The following CSMD1 variants were observed in gnomAD, a reference collection of about 807,000 sequenced individuals.
CSMD1 encodes the protein CUB and sushi domain-containing protein 1.
In CSMD1, 213 loss-of-function variants were observed where a neutral mutation model predicts 417.5. That is an observed-to-expected ratio of 0.51 (90% confidence interval 0.46 to 0.57). The LOEUF is 0.57. CSMD1 is among the 20% of genes least tolerant of loss of function. The pLI, the probability that CSMD1 is intolerant of heterozygous loss-of-function variation, is 0.00. For missense variants in CSMD1, 6,923 were observed against 4,529.7 expected, an observed-to-expected ratio of 1.53 and a Z score of -15.17; for synonymous variants, 2,862 against 1,736.8, an observed-to-expected ratio of 1.65 and a Z score of -16.11.
rs57214957 is a variant in CSMD1, at chr8:4,630,265, TACACACACAC to T, written c.302+7067_302+7076del. Among the ~76,000 whole-genome samples, 559 of 149,026 alleles carry T rather than the reference TACACACACAC, an allele frequency of 3.8e-3. 2 individuals carry two copies. Among genetic ancestry groups the T allele is most frequent in the African/African-American group, 5.6e-3 (227 of 40,222 alleles). ...TCTTAACAAATAAGCACACAGCAAA[TACACACACAC>T]ACACACACACACACACACACACACA... On this transcript the variant is annotated intron_variant, in intron 2 of 69. Transcript: ENST00000635120.
intron 5 of CSMD1, among the ~76,000 whole-genome samples, chr8:3,969,582 G>A (rs1372317913): frequency 6.6e-6 from 1 of 152,088 alleles, no homozygotes; most frequent in Non-Finnish European, 1.5e-5. Context: ...CGGCATAATT[G>A]AAATTTCATT....
intron 5 of CSMD1, among the ~76,000 whole-genome samples, chr8:3,903,896 A>C (rs576037898): frequency 6.6e-6 from 1 of 152,122 alleles, no homozygotes; most frequent in African/African-American, 2.4e-5. Context: ...TTACCTCCAC[A>C]GGACACGTGG....
chr8:4,947,317 G>C (rs768324882), intron 1 of CSMD1, among the ~76,000 whole-genome samples: 1 of 152,054 alleles, frequency 6.6e-6, no homozygotes, highest in Non-Finnish European at 1.5e-5. Context: ...TTTGGAAAAA[G>C]GTCAGTTCTT....
At chr8:4,240,843 A>G (rs994193649) in intron 3 of CSMD1, among the ~76,000 whole-genome samples, 5 of 152,186 alleles carry the variant, frequency 3.3e-5, no homozygotes, top group African/African-American at 1.2e-4. Flanking sequence ...AGGGCGTAGC[A>G]TGGGGTAGCA....
intron 3 of CSMD1, among the ~76,000 whole-genome samples, chr8:4,149,084 CT>C (rs1188754573): frequency 6.6e-6 from 1 of 152,028 alleles, no homozygotes; most frequent in Non-Finnish European, 1.5e-5. Context: ...CTGCCTCAGC[CT>C]CCCAAGTAGC....
intron 12 of CSMD1, among the ~76,000 whole-genome samples, chr8:3,423,016 G>C (rs181454469): frequency 5.9e-5 from 9 of 152,310 alleles, no homozygotes; most frequent in African/African-American, 1.9e-4. Flanking sequence ...TTTTACAGGA[G>C]ACACCTTCAA....
At chr8:3,448,278 G>A (rs1302592424) in intron 12 of CSMD1, among the ~76,000 whole-genome samples, 1 of 131,784 alleles carries the variant, frequency 7.6e-6, no homozygotes, top group Non-Finnish European at 1.6e-5. Context: ...ACAAAAGAGG[G>A]ACACACATCT....
rs547176870 is a variant in CSMD1, at chr8:4,876,678, G to T, written c.85+117654C>A. Among the ~76,000 whole-genome samples the T allele has an allele frequency of 1.3e-3, 196 of 152,116 alleles. 4 individuals carry two copies. Among genetic ancestry groups the T allele is most frequent in the African/African-American group, 4.7e-3 (193 of 41,448 alleles). On this transcript the variant is annotated intron_variant, in intron 1 of 69. Coordinates refer to ENST00000635120, the MANE Select transcript of CSMD1 (RefSeq NM_033225.6). Reference sequence around the variant, plus strand: ...TGTGTTGTGTTTTAAGTGCCGTTAGGTGCATATAGTCTCCTTCTGTGCTAA... The same window carrying T: ...TGTGTTGTGTTTTAAGTGCCGTTAGTTGCATATAGTCTCCTTCTGTGCTAA...
chr8:4,324,668 C>G (rs755857490), intron 3 of CSMD1, among the ~76,000 whole-genome samples: 1 of 152,198 alleles, frequency 6.6e-6, no homozygotes, highest in Non-Finnish European at 1.5e-5. Flanking sequence ...GAAGATCCAG[C>G]TCAGAGGATA....
Position 4,872,463 on chromosome 8 carries a change from C to T in CSMD1, c.85+121869G>A, listed in dbSNP as rs544670190. 1.2e-3 allele frequency among the ~76,000 whole-genome samples: 186 copies of T among 152,158 alleles called. 2 individuals carry two copies. Among genetic ancestry groups the T allele is most frequent in the African/African-American group, 4.1e-3 (170 of 41,452 alleles). On this transcript the variant is annotated intron_variant, in intron 1 of 69. Transcript: ENST00000635120. ...GGTTTTATAAGAGGATTCCTCCCAT[C>T]ACTCAGCACTCCTTCCTGCCGCCTT...
rs370977802 is a variant in CSMD1 at position 3,488,720 on chromosome 8, A to G, written c.1448+4903T>C. Reference sequence around the variant, plus strand: ...AACGCTTCCAGATAAGAGGCCGGGAAAGAAAAGCTAACAATGGATAGACTT... The same window carrying G: ...AACGCTTCCAGATAAGAGGCCGGGAGAGAAAAGCTAACAATGGATAGACTT... On this transcript the variant is annotated intron_variant, in intron 11 of 69. Coordinates refer to ENST00000635120, the MANE Select transcript of CSMD1 (RefSeq NM_033225.6). Among the ~76,000 whole-genome samples the G allele has an allele frequency of 3.1e-4, 47 of 152,284 alleles. No homozygotes were observed. The East Asian group carries it at 5.0e-3, about 16-fold the overall frequency.
intron 3 of CSMD1, among the ~76,000 whole-genome samples, chr8:4,128,229 T>C (rs1473878528): frequency 6.6e-6 from 1 of 152,034 alleles, no homozygotes; most frequent in African/African-American, 2.4e-5. Context: ...GAAAGGCATG[T>C]TTCTGCATGG....
chr8:4,889,903 TCA>T (rs1803993657), intron 1 of CSMD1, among the ~76,000 whole-genome samples: 1 of 152,106 alleles, frequency 6.6e-6, no homozygotes, highest in South Asian at 2.1e-4. Flanking sequence ...TTTGTCCAGT[TCA>T]CAGAGCCAGT....
intron 7 of CSMD1, among the ~76,000 whole-genome samples, chr8:3,620,954 T>G (rs1796197387): frequency 6.6e-6 from 1 of 152,168 alleles, no homozygotes; most frequent in African/African-American, 2.4e-5. Context: ...AGATAGAGAC[T>G]TTAAAGAGGT....
chr8:3,632,844 A>G (rs1029100066), intron 7 of CSMD1, among the ~76,000 whole-genome samples: 1 of 152,190 alleles, frequency 6.6e-6, no homozygotes, highest in Non-Finnish European at 1.5e-5. Flanking sequence ...TTCAGAGATT[A>G]TGTTCCTGGT....
At chr8:4,118,947 T>G (rs556183846) in intron 3 of CSMD1, among the ~76,000 whole-genome samples, 1 of 152,196 alleles carries the variant, frequency 6.6e-6, no homozygotes, top group African/African-American at 2.4e-5. Flanking sequence ...TGGGGGGACA[T>G]GGGTGAAGCT....
At chr8:4,447,333 G>A (rs772286736) in intron 2 of CSMD1, among the ~76,000 whole-genome samples, 3 of 152,138 alleles carry the variant, frequency 2.0e-5, no homozygotes, top group Non-Finnish European at 4.4e-5. Context: ...TCAGAATGTG[G>A]TCATTCAAAA....
At position 3,072,372 on chromosome 8, in the gene CSMD1, C is replaced by T. The variant is rs146953403; in HGVS notation, c.7474+14725G>A. On this transcript the variant is annotated intron_variant, in intron 49 of 69. Coordinates refer to ENST00000635120, the MANE Select transcript of CSMD1 (RefSeq NM_033225.6). ...AATGAAGATTTTAACAATTAATTAT[C>T]ACCCTCTAAAAAAGCATAGCTAAGA... Among the ~76,000 whole-genome samples, 54 of 152,302 alleles carry T rather than the reference C, an allele frequency of 3.5e-4. No homozygotes were observed. The East Asian group carries it at 0.01, about 28-fold the overall frequency.
intron 4 of CSMD1, among the ~76,000 whole-genome samples, chr8:4,017,385 A>T (rs1365680085): frequency 3.9e-5 from 6 of 152,140 alleles, no homozygotes; most frequent in Non-Finnish European, 8.8e-5. Flanking sequence ...GGCTCACTAC[A>T]ACCTCCGCCT....
Sources: allele counts gnomAD v4.1 joint callset (sites outside exome capture counted in the v4.1 genomes callset), GRCh38; gene constraint gnomAD v4.1.1; transcripts MANE v1.5; gene names NCBI Gene and HGNC (gene_info 2026-07-23, HGNC 2026-07-21).